The following RANBP2 variants were observed in gnomAD, a reference collection of about 807,000 sequenced individuals.
The protein encoded by RANBP2 is RAN binding protein 2, also known as E3 SUMO-protein ligase RanBP2.
RANBP2 carries 57 observed loss-of-function variants against 303.6 expected under a neutral mutation model. The observed-to-expected ratio is 0.19, with a 90% CI of 0.15 to 0.23. The LOEUF (loss-of-function observed/expected upper bound fraction) is 0.23, where lower values mean the gene tolerates loss of function less well. RANBP2 is among the 10% of genes least tolerant of loss of function. RANBP2 has a pLI of 1.00. For synonymous variants in RANBP2, 1,167 were observed against 1,301.5 expected, an observed-to-expected ratio of 0.90 and a Z score of 2.23; for missense variants, 3,138 against 3,780.8, an observed-to-expected ratio of 0.83 and a Z score of 4.46.
the RANBP2 span, among the ~76,000 whole-genome samples, chr2:109,560,005 CT>C: frequency 6.7e-6 from 1 of 149,022 alleles, no homozygotes; most frequent in African/African-American, 2.5e-5. Context: ...ACCGCAAGCT[CT>C]GCCTCCTAGG....
chr2:109,312,281 T>C, the RANBP2 span, among the ~76,000 whole-genome samples: 1 of 152,188 alleles, frequency 6.6e-6, no homozygotes, highest in Non-Finnish European at 1.5e-5. Flanking sequence ...TGCCCACTTT[T>C]CTTGTGAATG....
chr2:109,620,897 AT>A, the RANBP2 span, among the ~76,000 whole-genome samples: 6 of 152,310 alleles, frequency 3.9e-5, 1 homozygote, highest in African/African-American at 1.4e-4. Flanking sequence ...TCTAATAATC[AT>A]TTTAAACATA....
the RANBP2 span, among the ~76,000 whole-genome samples, chr2:109,714,303 A>G: frequency 6.7e-6 from 1 of 149,156 alleles, no homozygotes; most frequent in African/African-American, 2.4e-5. Context: ...AAAAGTTTTT[A>G]TTTTATTTTA....
the RANBP2 span, among the ~76,000 whole-genome samples, chr2:109,230,939 G>A: frequency 6.6e-6 from 1 of 152,214 alleles, no homozygotes; most frequent in Admixed American, 6.5e-5. Flanking sequence ...AGGAAGGCAG[G>A]ATAGGTCAAA....
At chr2:109,715,827 G>C in the RANBP2 span, among the ~76,000 whole-genome samples, 1 of 152,148 alleles carries the variant, frequency 6.6e-6, no homozygotes, top group Non-Finnish European at 1.5e-5. Flanking sequence ...TTTGAGCTAT[G>C]TGCCAGGAAA....
the RANBP2 span, among the ~76,000 whole-genome samples, chr2:108,849,648 A>T: frequency 6.6e-6 from 1 of 152,262 alleles, no homozygotes; most frequent in East Asian, 1.9e-4. Context: ...CAGGCTCCTC[A>T]GCCTGGTGGC....
the RANBP2 span, among the ~76,000 whole-genome samples, chr2:109,524,062 A>G: frequency 0.047 from 7,123 of 152,128 alleles, 565 homozygotes; most frequent in African/African-American, 0.16. Flanking sequence ...TTCCATGCAC[A>G]CCTGCCTGGT....
the RANBP2 span, among the ~76,000 whole-genome samples, chr2:109,030,288 C>T: frequency 2.0e-5 from 3 of 152,224 alleles, no homozygotes; most frequent in Non-Finnish European, 4.4e-5. Context: ...CATTTTCCCA[C>T]TGAAGACCCA....
At chr2:109,564,557 A>C in the RANBP2 span, 1 of 1,466,182 alleles carries the variant, frequency 6.8e-7, no homozygotes, top group Non-Finnish European at 9.1e-7. Flanking sequence ...AAATAAGAAA[A>C]GAACAACACT....
chr2:109,531,472 C>T, the RANBP2 span, among the ~76,000 whole-genome samples: 11 of 152,292 alleles, frequency 7.2e-5, no homozygotes, highest in South Asian at 4.1e-4. Flanking sequence ...GAAATCATGG[C>T]GAATCCAATC....
the RANBP2 span, among the ~76,000 whole-genome samples, chr2:109,548,708 C>T: frequency 9.7e-5 from 13 of 133,368 alleles, no homozygotes; most frequent in Non-Finnish European, 1.6e-4. Flanking sequence ...GCCGGGAGGC[C>T]GAGGTTGCAG....
At chr2:109,129,414 C>G in the RANBP2 span, 1 of 1,453,428 alleles carries the variant, frequency 6.9e-7, no homozygotes. Context: ...CATCGGGCCA[C>G]CAGCCGGGGT....
the RANBP2 span, among the ~76,000 whole-genome samples, chr2:108,888,358 G>A: frequency 7.2e-5 from 11 of 152,012 alleles, no homozygotes; most frequent in African/African-American, 2.4e-4. Context: ...GTCTGGTTTT[G>A]GTATTAGGGT....
chr2:108,938,442 C>T, the RANBP2 span, among the ~76,000 whole-genome samples: 3 of 152,170 alleles, frequency 2.0e-5, no homozygotes, highest in East Asian at 1.9e-4. Context: ...CTGCATTTCC[C>T]GCAGTTTGTG....
At chr2:109,383,925 T>A in the RANBP2 span, among the ~76,000 whole-genome samples, 1 of 152,172 alleles carries the variant, frequency 6.6e-6, no homozygotes, top group East Asian at 1.9e-4. Context: ...CAGTGTCTGT[T>A]AGGTAGAAGG....
chr2:108,943,733 T>G, the RANBP2 span, among the ~76,000 whole-genome samples: 1 of 152,124 alleles, frequency 6.6e-6, no homozygotes, highest in African/African-American at 2.4e-5. Flanking sequence ...GCTCTCCAGT[T>G]TGGGGGAGAT....
rs1695570952 is a variant in RANBP2, at chr2:108,736,192, T to G, written c.725T>G (p.Leu242Arg). The G allele has an allele frequency of 6.2e-7, 1 of 1,611,844 alleles. No individual in the cohort carries two copies. Among genetic ancestry groups the G allele is most frequent in the Non-Finnish European group, 8.5e-7 (1 of 1,179,848 alleles). The change falls in exon 6 of 29, where the codon CTT (leucine) becomes CGT (arginine). Residue 242 changes from leucine (L) to arginine (R), a missense_variant. Leu to Arg is a moderately radical substitution (Grantham distance 102). This residue lies in a region of RANBP2 where 306 missense variants were observed against 381.9 expected (regional missense o/e 0.80). Transcript: ENST00000283195. ...GACTTACTGCTGGCCTATGCTAATC[T>G]TATGCTTCTTACGCTTTCCACTAGA... is the stretch of plus-strand genomic sequence containing the variant. Reference protein sequence around the residue: ...NTDLLLAYANLMLLTLSTRDV... With the variant: ...NTDLLLAYANRMLLTLSTRDV...
the RANBP2 span, among the ~76,000 whole-genome samples, chr2:109,137,698 G>T: frequency 1.1e-4 from 16 of 152,316 alleles, no homozygotes; most frequent in African/African-American, 3.8e-4. Context: ...GGAGGCTTAG[G>T]CACATTTCAG....
the RANBP2 span, among the ~76,000 whole-genome samples, chr2:108,938,070 A>G: frequency 6.6e-6 from 1 of 152,224 alleles, no homozygotes; most frequent in Non-Finnish European, 1.5e-5. Flanking sequence ...TACTAATACA[A>G]ATAAGCATGT....
Sources: allele counts gnomAD v4.1 joint callset (sites outside exome capture counted in the v4.1 genomes callset), GRCh38; gene constraint gnomAD v4.1.1; regional missense constraint gnomAD v4.1.1; transcripts MANE v1.5; gene names NCBI Gene and HGNC (gene_info 2026-07-23, HGNC 2026-07-21).